The following APP variants were observed in gnomAD, a reference collection of about 807,000 sequenced individuals.
The protein encoded by APP is amyloid-beta precursor protein.
APP carries 31 observed loss-of-function variants against 101.4 expected under a neutral mutation model. The ratio of observed to expected loss-of-function variants is 0.31; its 90% CI spans 0.23 to 0.41. APP has a LOEUF of 0.41. Ranked by LOEUF, APP falls within the 10% of genes least tolerant of loss-of-function variation. The probability of loss-of-function intolerance (pLI) is 1.00; values close to 1 mark genes in which losing one functional copy is unlikely to be tolerated. For synonymous variants in APP, 366 were observed against 364.4 expected, an observed-to-expected ratio of 1.00 and a Z score of -0.05; for missense variants, 839 against 1,003.7, an observed-to-expected ratio of 0.84 and a Z score of 2.22.
chr21:26,073,612 T>C (rs1889120141), intron 3 of APP, among the ~76,000 whole-genome samples: 1 of 152,152 alleles, frequency 6.6e-6, no homozygotes, highest in African/African-American at 2.4e-5. Context: ...GTTGAATGAC[T>C]GGAGTGAGGG....
At chr21:26,013,124 C>T (rs573613500) in intron 6 of APP, among the ~76,000 whole-genome samples, 63 of 152,288 alleles carry the variant, frequency 4.1e-4, no homozygotes, top group African/African-American at 1.5e-3. Context: ...CAAGACCAGC[C>T]TGGCCAACAT....
At chr21:25,909,838 G>C (rs984512627) in intron 14 of APP, among the ~76,000 whole-genome samples, 5 of 152,116 alleles carry the variant, frequency 3.3e-5, no homozygotes, top group Non-Finnish European at 7.4e-5. Context: ...CTTTGATAAT[G>C]AACTGTCCCT....
intron 3 of APP, among the ~76,000 whole-genome samples, chr21:26,057,762 T>A (rs186455341): frequency 4.5e-4 from 68 of 152,316 alleles, no homozygotes; most frequent in African/African-American, 1.6e-3. Flanking sequence ...AGGTCTCCAG[T>A]TCTCCATCCA....
chr21:26,067,229 A>G (rs1254967108), intron 3 of APP, among the ~76,000 whole-genome samples: 1 of 152,246 alleles, frequency 6.6e-6, no homozygotes, highest in Non-Finnish European at 1.5e-5. Context: ...ACATGCAATC[A>G]ATGTAAATAA....
chr21:26,135,693 G>C (rs1409725442), intron 1 of APP, among the ~76,000 whole-genome samples: 1 of 152,148 alleles, frequency 6.6e-6, no homozygotes, highest in Non-Finnish European at 1.5e-5. Context: ...GAAAGTTACT[G>C]GAAGGGCATG....
At chr21:25,907,012 T>A (rs141275708) in intron 14 of APP, among the ~76,000 whole-genome samples, 2 of 152,340 alleles carry the variant, frequency 1.3e-5, no homozygotes, top group Non-Finnish European at 2.9e-5. Flanking sequence ...CTGGGGCTAA[T>A]CACATTCTTT....
At chr21:26,011,629 C>G (rs1161400787) in intron 6 of APP, among the ~76,000 whole-genome samples, 1 of 152,040 alleles carries the variant, frequency 6.6e-6, no homozygotes, top group Non-Finnish European at 1.5e-5. Context: ...CTGCCATAGC[C>G]CAAGCAAACA....
At chr21:26,049,414 C>A (rs1204705443) in intron 5 of APP, among the ~76,000 whole-genome samples, 2 of 152,106 alleles carry the variant, frequency 1.3e-5, no homozygotes, top group Non-Finnish European at 2.9e-5. Flanking sequence ...GAGGGGTCAT[C>A]TGTAGAGCAT....
chr21:26,011,236 C>T lies in APP; in HGVS notation c.865+10604G>A, dbSNP rs974450876. ...GATTATAGGCACCCATCATCATGCC[C>T]GGCTAATTTTTATATTTTTAGTAGA... On this transcript the variant is annotated intron_variant, in intron 6 of 17. Coordinates refer to ENST00000346798, the MANE Select transcript of APP (RefSeq NM_000484.4). 2.6e-5 allele frequency among the ~76,000 whole-genome samples: 4 copies of T among 151,778 alleles called. No individual in the cohort carries two copies. The East Asian group carries it at 5.8e-4, about 22-fold the overall frequency.
intron 2 of APP, among the ~76,000 whole-genome samples, chr21:26,092,475 C>A (rs944537435): frequency 6.6e-6 from 1 of 152,128 alleles, no homozygotes; most frequent in Non-Finnish European, 1.5e-5. Flanking sequence ...AAAGGCAGAA[C>A]TATGGAGACT....
At chr21:25,947,135 T>C (rs1175455453) in intron 13 of APP, among the ~76,000 whole-genome samples, 2 of 152,220 alleles carry the variant, frequency 1.3e-5, no homozygotes. Flanking sequence ...CTGTATTACA[T>C]GTGAATTTTT....
At chr21:25,989,213 G>A (rs1050719177) in intron 8 of APP, among the ~76,000 whole-genome samples, 6 of 152,176 alleles carry the variant, frequency 3.9e-5, no homozygotes, top group African/African-American at 9.7e-5. Context: ...TGAGGCAGAC[G>A]TCACTCTCCT....
At chr21:25,962,763 T>C (rs1479158617) in intron 11 of APP, among the ~76,000 whole-genome samples, 5 of 152,202 alleles carry the variant, frequency 3.3e-5, no homozygotes, top group East Asian at 3.8e-4. Flanking sequence ...TGATGTCAAA[T>C]TGATGTAGGT....
At chr21:25,904,959 G>A (rs1477664170) in intron 15 of APP, 65 bp downstream of exon 15, 1 of 1,377,904 alleles carries the variant, frequency 7.3e-7, no homozygotes, top group Non-Finnish European at 1.0e-6. Context: ...ATGCAGAAAG[G>A]AGACAACGTC....
At chr21:25,909,939 A>G (rs552866291) in intron 14 of APP, among the ~76,000 whole-genome samples, 1 of 152,100 alleles carries the variant, frequency 6.6e-6, no homozygotes, top group Non-Finnish European at 1.5e-5. Flanking sequence ...GCTGTTTGCT[A>G]TTACTGTAAG....
intron 11 of APP, among the ~76,000 whole-genome samples, chr21:25,961,098 C>G (rs1276806565): frequency 6.6e-6 from 1 of 152,150 alleles, no homozygotes; most frequent in Non-Finnish European, 1.5e-5. Flanking sequence ...CTGCTTAGAG[C>G]CAATCACCCT....
intron 3 of APP, among the ~76,000 whole-genome samples, chr21:26,070,177 G>C (rs2046617466): frequency 6.6e-6 from 1 of 152,142 alleles, no homozygotes; most frequent in African/African-American, 2.4e-5. Flanking sequence ...CATCCCTTTT[G>C]AATCATGTTT....
intron 5 of APP, among the ~76,000 whole-genome samples, chr21:26,043,781 C>CT (rs11371102): frequency 1 from 152,183 of 152,302 alleles, 76,032 homozygotes; most frequent in African/African-American, 1. Context: ...ACCATCAGGT[C>CT]TTGGACACAA....
At chr21:25,894,741 GACA>G (rs753436329) in intron 16 of APP, among the ~76,000 whole-genome samples, 2 of 152,220 alleles carry the variant, frequency 1.3e-5, no homozygotes, top group Non-Finnish European at 2.9e-5. Context: ...CTGTTGAAAT[GACA>G]ACAAAGGATT....
Sources: gnomAD v4.1 joint callset for allele counts (sites outside exome capture counted in the v4.1 genomes callset) on GRCh38, gnomAD v4.1.1 for gene constraint, MANE v1.5 for transcripts, NCBI Gene and HGNC (gene_info 2026-07-23, HGNC 2026-07-21) for gene names.